COQ2: variants seen among roughly 807,000 people sequenced by gnomAD.
The protein encoded by COQ2 is 4-hydroxybenzoate polyprenyltransferase, mitochondrial.
COQ2 carries 25 observed loss-of-function variants against 35.7 expected under a neutral mutation model. The observed-to-expected ratio is 0.70, with a 90% CI of 0.51 to 0.98. The LOEUF (loss-of-function observed/expected upper bound fraction) is 0.98. COQ2 is among the 50% of genes least tolerant of loss of function. The pLI, the probability that COQ2 is intolerant of heterozygous loss-of-function variation, is 0.00. For synonymous variants in COQ2, 206 were observed against 186.2 expected, an observed-to-expected ratio of 1.11 and a Z score of -0.86; for missense variants, 488 against 473.5, an observed-to-expected ratio of 1.03 and a Z score of -0.28.
intron 2 of COQ2, among the ~76,000 whole-genome samples, chr4:83,275,211 T>G (rs866194906): frequency 4.6e-5 from 7 of 152,360 alleles, no homozygotes; most frequent in Admixed American, 6.5e-5. Context: ...GTTTTTGGTA[T>G]GACAAATGAT....
intron 1 of COQ2, 92 bp from the exon 2 acceptor site, chr4:83,279,206 A>G (rs1735255451): frequency 7.2e-7 from 1 of 1,389,940 alleles, no homozygotes; most frequent in Non-Finnish European, 9.4e-7. Flanking sequence ...GAAATAAAGA[A>G]CACTATAAGT....
chr4:83,266,698 T>G (rs1387019708), intron 6 of COQ2: 3 of 154,736 alleles, frequency 1.9e-5, no homozygotes, highest in Non-Finnish European at 4.3e-5. Flanking sequence ...AAAATTAGAT[T>G]TAGTTCATTC....
intron 2 of COQ2, 50 bp downstream of exon 2, chr4:83,278,898 T>C: frequency 1.3e-6 from 2 of 1,487,198 alleles, no homozygotes; most frequent in East Asian, 2.5e-5. Flanking sequence ...CACTATGTTA[T>C]TCTGCAGAAT....
At position 83,271,015 on chromosome 4, in the gene COQ2, G is replaced by C. The variant is rs4693075; in HGVS notation, c.629-1022C>G. Among the ~76,000 whole-genome samples the C allele has an allele frequency of 0.62, 93,683 of 151,976 alleles. 29,234 individuals are homozygous for C. The highest frequency in any genetic ancestry group is 0.85 in the East Asian group (4,410 of 5,186). ...TCTACCACAACTTTCCCACAAATCA[G>C]GCTCACATCAATTTCTTGAGTTGCT... On this transcript the variant is annotated intron_variant, in intron 4 of 6. Coordinates refer to ENST00000647002, the MANE Select transcript of COQ2 (RefSeq NM_001358921.2).
chr4:83,271,971 G>T, intron 4 of COQ2, 116 bp downstream of exon 4: 2 of 688,350 alleles, frequency 2.9e-6, no homozygotes, highest in Non-Finnish European at 4.9e-6. Flanking sequence ...ATCTACTATT[G>T]GTTAGGAAAA....
chr4:83,273,730 T>C, intron 2 of COQ2, 113 bp from the exon 3 acceptor site: 2 of 1,032,722 alleles, frequency 1.9e-6, no homozygotes, highest in South Asian at 3.0e-5. Context: ...AAGAGAGAAA[T>C]CAACATTTTA....
At chr4:83,267,285 G>A (rs1734941400) in intron 6 of COQ2, 1 of 431,768 alleles carries the variant, frequency 2.3e-6, no homozygotes, top group African/African-American at 2.0e-5. Flanking sequence ...GCTGAGGTGG[G>A]AGGATTGCTT....
chr4:83,267,537 A>G, intron 6 of COQ2, 49 bp downstream of exon 6: 2 of 1,473,858 alleles, frequency 1.4e-6, no homozygotes, highest in Admixed American at 5.5e-5. Context: ...AATAATTTTT[A>G]TAATTTATAC....
chr4:83,277,636 T>C (rs1263472547), intron 2 of COQ2, among the ~76,000 whole-genome samples: 1 of 152,204 alleles, frequency 6.6e-6, no homozygotes, highest in East Asian at 1.9e-4. Context: ...CCACTGGTTC[T>C]TCCACATAGC....
In COQ2 at chr4:83,264,328, A is replaced by G. The variant is rs1176564406; in HGVS notation, c.987T>C (p.Cys329=). Residue 329 remains cysteine, a synonymous_variant, in exon 7 of 7, where the codon TGT becomes TGC. Coordinates refer to ENST00000647002, the MANE Select transcript of COQ2 (RefSeq NM_001358921.2). ...YTLDIHRPED[C]WNKFISNRTL... is the part of the protein sequence containing the mutation. ...TTCGGTTGGAGATAAATTTATTCCA[A>G]CAATCCTCAGGTCTGTGGATGTCTA... 1 of 1,612,742 alleles carries G rather than the reference A, an allele frequency of 6.2e-7. No homozygotes were observed. Among genetic ancestry groups the G allele is most frequent in the East Asian group, 2.2e-5 (1 of 44,808 alleles).
At chr4:83,264,540 G>C (rs1343829184) in intron 6 of COQ2, among the ~76,000 whole-genome samples, 177 bp from the exon 7 acceptor site, 7 of 152,152 alleles carry the variant, frequency 4.6e-5, no homozygotes, top group Non-Finnish European at 1.5e-5. Context: ...AAGAGGCTGA[G>C]GTGGGAGGAT....
At chr4:83,275,361 G>A (rs1315696976) in intron 2 of COQ2, among the ~76,000 whole-genome samples, 1 of 151,956 alleles carries the variant, frequency 6.6e-6, no homozygotes, top group East Asian at 1.9e-4. Flanking sequence ...GCTACCAGCT[G>A]GGGTTACAAG....
chr4:83,273,044 C>T (rs1735086256), intron 3 of COQ2, among the ~76,000 whole-genome samples: 1 of 152,190 alleles, frequency 6.6e-6, no homozygotes, highest in Non-Finnish European at 1.5e-5. Context: ...GGAATGAGTC[C>T]TCCCACTTCT....
Position 83,278,945 on chromosome 4 carries a change from T to C in COQ2, c.420+3A>G, listed in dbSNP as rs1735246667. On this transcript the variant is annotated splice_donor_region_variant and intron_variant, in intron 2 of 6. Transcript: ENST00000647002. ...TCTCTATTCCTTTTCAGGATGAAAT[T>C]ACCTTTTTATCATAGTCCTGGTCCC... 1 of 1,572,990 alleles carries C rather than the reference T, an allele frequency of 6.4e-7. No homozygotes were observed. Among genetic ancestry groups the C allele is most frequent in the African/African-American group, 1.4e-5 (1 of 72,918 alleles).
At position 83,284,579 on chromosome 4, in the gene COQ2, C is replaced by T; in HGVS notation, c.186G>A (p.Ala62=). ...RGRQLSLSAA[A]VVDSAPRPLQ... is the part of the protein sequence containing the mutation. ...GGGGGCGGGGCGCAGAGTCCACCAC[C>T]GCCGCCGCGGACAAACTGAGCTGGC... The change falls in exon 1 of 7, where the codon GCG becomes GCA. Residue 62 remains alanine (A), a synonymous_variant. Transcript: ENST00000647002. 1 of 1,550,470 alleles carries T rather than the reference C, an allele frequency of 6.4e-7. No homozygotes were observed. Among genetic ancestry groups the T allele is most frequent in the Non-Finnish European group, 8.7e-7 (1 of 1,149,726 alleles).
chr4:83,278,574 A>G (rs572303135), intron 2 of COQ2, among the ~76,000 whole-genome samples: 16 of 152,392 alleles, frequency 1.0e-4, no homozygotes, highest in African/African-American at 3.8e-4. Flanking sequence ...GATTTACGTA[A>G]GAATAGTTAG....
At chr4:83,284,407 TCTC>T in intron 1 of COQ2, 102 bp downstream of exon 1, 9 of 1,437,226 alleles carry the variant, frequency 6.3e-6, no homozygotes, top group Non-Finnish European at 8.2e-6. Context: ...GCTTTCAGGT[TCTC>T]ATTTCCATCA....
chr4:83,264,471 A>G, intron 6 of COQ2, 108 bp from the exon 7 acceptor site: 2 of 1,450,416 alleles, frequency 1.4e-6, no homozygotes, highest in Non-Finnish European at 1.8e-6. Context: ...AAAAATACAA[A>G]TATAAAAAAT....
chr4:83,278,989 A>T lies in COQ2; in HGVS notation c.379T>A (p.Cys127Ser). The T allele has an allele frequency of 6.2e-7, 1 of 1,609,504 alleles. No individual in the cohort carries two copies. The highest frequency in any genetic ancestry group is 8.5e-7 in the Non-Finnish European group (1 of 1,177,960). Residue 127 changes from cysteine to serine, a missense_variant, in exon 2 of 7, where the codon TGT (cysteine) becomes AGT (serine). Coordinates refer to ENST00000647002, the MANE Select transcript of COQ2 (RefSeq NM_001358921.2). ...TGAILMRGAG[C>S]TINDMWDQDY... ...TGGTCCCACATGTCATTAATAGTAC[A>T]GCCTGCTCCACGCATCAGAATAGCT...
Sources: gnomAD v4.1 joint callset for allele counts (sites outside exome capture counted in the v4.1 genomes callset) on GRCh38, gnomAD v4.1.1 for gene constraint, MANE v1.5 for transcripts, NCBI Gene and HGNC (gene_info 2026-07-23, HGNC 2026-07-21) for gene names.